The following SMC1A variants were observed in gnomAD, a reference collection of about 807,000 sequenced individuals.
The protein encoded by SMC1A is structural maintenance of chromosomes protein 1A.
In SMC1A, 4 loss-of-function variants were observed where a neutral mutation model predicts 94.5. The ratio of observed to expected loss-of-function variants is 0.04; its 90% CI spans 0.02 to 0.10. SMC1A has a LOEUF of 0.10. SMC1A is among the 10% of genes least tolerant of loss of function. The pLI, the probability that SMC1A is intolerant of heterozygous loss-of-function variation, is 1.00. For synonymous variants in SMC1A, 345 were observed against 347.7 expected, an observed-to-expected ratio of 0.99 and a Z score of 0.09; for missense variants, 304 against 989.0, an observed-to-expected ratio of 0.31 and a Z score of 9.29.
At chrX:53,399,277 C>CT (rs1328701192) in intron 16 of SMC1A, among the ~76,000 whole-genome samples, 1 of 112,126 alleles carries the variant, frequency 8.9e-6, no homozygotes, top group Non-Finnish European at 1.9e-5. Context: ...TATACCATGG[C>CT]TGGTATTGAG....
At chrX:53,394,330 C>A (rs943414759) in intron 19 of SMC1A, among the ~76,000 whole-genome samples, 6 of 109,658 alleles carry the variant, frequency 5.5e-5, no homozygotes, top group African/African-American at 1.7e-4. Context: ...AAGGCTAGGG[C>A]TTGAGGTACC....
intron 16 of SMC1A, 43 bp from the exon 17 acceptor site, chrX:53,396,660 C>T: frequency 8.5e-7 from 1 of 1,175,800 alleles, no homozygotes; most frequent in African/African-American, 1.7e-5. Flanking sequence ...GAAGACTTTC[C>T]CCATCTTACC....
intron 16 of SMC1A, 60 bp from the exon 17 acceptor site, chrX:53,396,677 T>C: frequency 8.7e-7 from 1 of 1,143,770 alleles, no homozygotes; most frequent in Non-Finnish European, 1.2e-6. Flanking sequence ...TACCCTGGGA[T>C]ATTCTCCTGC....
In SMC1A at chrX:53,414,965, G is replaced by A. The variant is rs374998027; in HGVS notation, c.298+16C>T. On this transcript the variant is annotated intron_variant, in intron 2 of 24. Coordinates refer to ENST00000322213, the MANE Select transcript of SMC1A (RefSeq NM_006306.4). ...TCCCAGGACCCAAGGAGAGCTTTCT[G>A]GCCAGCCTCACCCACCTACAATGAC... is the stretch of plus-strand genomic sequence containing the variant. 11 of 1,209,588 alleles carry A rather than the reference G, an allele frequency of 9.1e-6. No individual in the cohort carries two copies. Among genetic ancestry groups the A allele is most frequent in the Non-Finnish European group, 1.2e-5 (11 of 894,157 alleles).
At chrX:53,383,663 T>C (rs2075593818) in intron 19 of SMC1A, among the ~76,000 whole-genome samples, 1 of 112,555 alleles carries the variant, frequency 8.9e-6, no homozygotes, top group South Asian at 3.6e-4. Flanking sequence ...GCAATTCACG[T>C]TTTCTGCTTA....
rs782220435 is a variant in SMC1A at position 53,380,614 on chromosome X, C to A, written c.3618+6G>T. On this transcript the variant is annotated splice_donor_region_variant and intron_variant, in intron 24 of 24. Transcript: ENST00000322213. ...AGGACTGGCTCCTGAGCCAGGCCCG[C>A]CCTACCTCAGGATAGACTCCAATGA... 2 of 1,139,427 alleles carry A rather than the reference C, an allele frequency of 1.8e-6. No individual in the cohort carries two copies. The highest frequency in any genetic ancestry group is 3.6e-5 in the South Asian group (2 of 54,979). The allele number at this position is 1,139,427 out of a possible 1,213,427, so 93.9% of individuals were successfully genotyped here. A position where few individuals can be genotyped will look rare whatever the true frequency, so the allele number is the denominator to read the frequency against.
intron 12 of SMC1A, 45 bp downstream of exon 12, chrX:53,405,197 CTAG>C: frequency 1.7e-6 from 2 of 1,211,958 alleles, no homozygotes; most frequent in Non-Finnish European, 2.2e-6. Context: ...GGTGGCTGAC[CTAG>C]GCTTAGGACT....
intron 9 of SMC1A, among the ~76,000 whole-genome samples, chrX:53,406,890 GTTTCACCATGTTGGC>G (rs2075693245): frequency 9.0e-6 from 1 of 111,341 alleles, no homozygotes; most frequent in African/African-American, 3.3e-5. Context: ...TAGAGACGGG[GTTTCACCATGTTGGC>G]CAGGCTGATC....
chrX:53,399,559 A>G (rs1419458344), intron 16 of SMC1A, 30 bp downstream of exon 16: 3 of 1,181,672 alleles, frequency 2.5e-6, no homozygotes, highest in Admixed American at 2.2e-5. Flanking sequence ...CCCAGTTATT[A>G]GTCTGTCTTT....
intron 22 of SMC1A, 24 bp from the exon 23 acceptor site, chrX:53,381,111 C>A (rs782744996): frequency 2.2e-6 from 2 of 920,676 alleles, no homozygotes; most frequent in South Asian, 3.9e-5. Flanking sequence ...AGTAGGTGAG[C>A]TGACACTGAG....
rs782515915 is a variant in SMC1A at position 53,414,752 on chromosome X, G to A, written c.411+6C>T. On this transcript the variant is annotated splice_donor_region_variant and intron_variant, in intron 3 of 24. Transcript: ENST00000322213. Reference sequence around the variant, plus strand: ...CAGATAGCCAATAACTGTTAAAAACGCCCACCTGGAAAACGAGGAAGTTAC... The same window carrying A: ...CAGATAGCCAATAACTGTTAAAAACACCCACCTGGAAAACGAGGAAGTTAC... 11 of 1,154,284 alleles carry A rather than the reference G, an allele frequency of 9.5e-6. No homozygotes were observed. Among genetic ancestry groups the A allele is most frequent in the Admixed American group, 6.6e-5 (3 of 45,666 alleles).
At chrX:53,417,080 C>T (rs782799610) in intron 1 of SMC1A, among the ~76,000 whole-genome samples, 10 of 110,287 alleles carry the variant, frequency 9.1e-5, no homozygotes, top group African/African-American at 2.6e-4. Flanking sequence ...GCCACCATAT[C>T]CAGCCTAATC....
At chrX:53,408,842 A>T (rs1162656895) in intron 9 of SMC1A, among the ~76,000 whole-genome samples, 1 of 1,725 alleles carries the variant, frequency 5.8e-4, no homozygotes, top group Non-Finnish European at 1.1e-3. Flanking sequence ...TTGAAAAATA[A>T]AAAAAAAAAA....
chrX:53,410,852 G>A (rs1340211154), intron 7 of SMC1A, among the ~76,000 whole-genome samples: 1 of 99,659 alleles, frequency 1.0e-5, no homozygotes, highest in African/African-American at 3.7e-5. Context: ...ACTTGAACCC[G>A]ACAGGCAGAG....
rs201737786 is a variant in SMC1A at position 53,421,869 on chromosome X, G to A, written c.109+623C>T. The A allele has an allele frequency of 2.5e-4, 271 of 1,088,366 alleles. No homozygotes were observed. In the African/African-American group the frequency reaches 4.4e-3, roughly 18 times the overall value. 89.7% of individuals were successfully genotyped at this position (1,088,366 alleles called of 1,213,427 possible). ...CGGCTTTTGACGGTTTCGGTGGTAG[G>A]AAAAGGGCGAGTTCGAGGCAACTAC... On this transcript the variant is annotated intron_variant, in intron 1 of 24. Transcript: ENST00000322213.
At chrX:53,416,040 G>A (rs1411485845) in intron 1 of SMC1A, among the ~76,000 whole-genome samples, 1 of 110,532 alleles carries the variant, frequency 9.0e-6, no homozygotes, top group Non-Finnish European at 1.9e-5. Context: ...GGTGGCTCAC[G>A]CCTGTAATCC....
At chrX:53,409,548 C>T (rs1293800930) in intron 7 of SMC1A, 45 bp from the exon 8 acceptor site, 3 of 1,049,684 alleles carry the variant, frequency 2.9e-6, no homozygotes, top group Non-Finnish European at 4.0e-6. Flanking sequence ...CGAGTTTACG[C>T]CAAGACCATG....
At position 53,415,530 on chromosome X, in the gene SMC1A, C is replaced by T. The variant is rs1268514205; in HGVS notation, c.110-361G>A. 3.6e-5 allele frequency among the ~76,000 whole-genome samples: 4 copies of T among 110,519 alleles called. 1 individual carries two copies. In the Admixed American group the frequency reaches 3.9e-4, roughly 11 times the overall value. The stretch of plus-strand genomic sequence containing the variant: ...AGGCAAAACCCAGTCTCTACAAAAA[C>T]TTTAAAAATTAGCTGGGCATGAGCT... On this transcript the variant is annotated intron_variant, in intron 1 of 24. Coordinates refer to ENST00000322213, the MANE Select transcript of SMC1A (RefSeq NM_006306.4).
chrX:53,395,333 A>T (rs1779732358), intron 18 of SMC1A, among the ~76,000 whole-genome samples: 1 of 111,281 alleles, frequency 9.0e-6, no homozygotes, highest in Non-Finnish European at 1.9e-5. Flanking sequence ...ACAAAACAAG[A>T]CTCTGTCTCA....
Sources: gnomAD v4.1 joint callset for allele counts (sites outside exome capture counted in the v4.1 genomes callset) on GRCh38, gnomAD v4.1.1 for gene constraint, MANE v1.5 for transcripts, NCBI Gene and HGNC (gene_info 2026-07-23, HGNC 2026-07-21) for gene names.